ADAMTS7: variants seen among roughly 807,000 people sequenced by gnomAD.
ADAMTS7 encodes the protein ADAM metallopeptidase with thrombospondin type 1 motif 7, also known as A disintegrin and metalloproteinase with thrombospondin motifs 7.
In ADAMTS7, 89 loss-of-function variants were observed where a neutral mutation model predicts 172.6. The observed-to-expected ratio is 0.52, with a 90% CI of 0.43 to 0.61. The LOEUF (loss-of-function observed/expected upper bound fraction) is 0.61. Ranked by LOEUF, ADAMTS7 falls within the 20% of genes least tolerant of loss-of-function variation. The pLI, the probability that ADAMTS7 is intolerant of heterozygous loss-of-function variation, is 0.00. For synonymous variants in ADAMTS7, 885 were observed against 978.4 expected (o/e 0.90, Z 1.78); for missense variants, 1,973 against 2,355.6 (o/e 0.84, Z 3.36).
Position 78,766,123 on chromosome 15 carries a change from C to T in ADAMTS7, c.3788G>A (p.Gly1263Glu). The T allele has an allele frequency of 1.2e-6, 2 of 1,611,322 alleles. No homozygotes were observed. Among genetic ancestry groups the T allele is most frequent in the South Asian group, 1.1e-5 (1 of 90,984 alleles). Residue 1263 changes from glycine (G) to glutamate (E), a missense_variant, in exon 19 of 24, where the codon GGA (glycine) becomes GAA (glutamate). Transcript: ENST00000388820. ...AGCTGGCTCCCAGGCCACTGTGCCT[C>T]CTGTCCACAGCTCCGCCACGTCAGG... Reference protein sequence around the residue: ...PSPDVAELWTGGTVAWEPALE... With the variant: ...PSPDVAELWTEGTVAWEPALE...
chr15:78,797,378 G>A (rs2055659802), intron 3 of ADAMTS7, among the ~76,000 whole-genome samples: 1 of 152,242 alleles, frequency 6.6e-6, no homozygotes, highest in African/African-American at 2.4e-5. Context: ...CCAGAGCTGT[G>A]GGCAGCCTGA....
chr15:78,781,487 C>T (rs1440601787), intron 8 of ADAMTS7, among the ~76,000 whole-genome samples: 1 of 152,180 alleles, frequency 6.6e-6, no homozygotes, highest in Non-Finnish European at 1.5e-5. Context: ...CTGCTTCTGT[C>T]TGGTTCTCCC....
chr15:78,767,018 G>T lies in ADAMTS7; in HGVS notation c.2893C>A (p.Arg965=). 6.4e-7 allele frequency: 1 copy of T among 1,572,838 alleles called. No homozygotes were observed. The highest frequency in any genetic ancestry group is 8.6e-7 in the Non-Finnish European group (1 of 1,161,238). ...GTGTCATTGGTGCAGAGGACATTTC[G>T]GCGCTGAGTGCCCTCCCCACATGTC... is the stretch of plus-strand genomic sequence containing the variant. ...SVTCGEGTQR[R]NVLCTNDTGV... is the part of the protein sequence containing the mutation. The change falls in exon 19 of 24, where the codon CGA becomes AGA. Residue 965 remains arginine (R), a synonymous_variant. Transcript: ENST00000388820.
intron 1 of ADAMTS7, among the ~76,000 whole-genome samples, chr15:78,802,242 C>T (rs2055735194): frequency 6.6e-6 from 1 of 152,230 alleles, no homozygotes; most frequent in African/African-American, 2.4e-5. Context: ...AACCACAGCA[C>T]TTACAATCTC....
chr15:78,775,022 C>G (rs1181060653), intron 11 of ADAMTS7, among the ~76,000 whole-genome samples: 1 of 152,218 alleles, frequency 6.6e-6, no homozygotes, highest in Non-Finnish European at 1.5e-5. Flanking sequence ...AGCTCTGCCC[C>G]CAACCTACAG....
intron 1 of ADAMTS7, among the ~76,000 whole-genome samples, chr15:78,803,541 C>G (rs2055752507): frequency 6.6e-6 from 1 of 151,902 alleles, no homozygotes; most frequent in Admixed American, 6.6e-5. Flanking sequence ...CAACCTCTGC[C>G]TCCCAGGTTC....
chr15:78,786,008 C>A (rs1200718269), intron 8 of ADAMTS7, among the ~76,000 whole-genome samples: 1 of 150,250 alleles, frequency 6.7e-6, no homozygotes, highest in African/African-American at 2.4e-5. Flanking sequence ...TGGCTCACTG[C>A]AACCTCCGCC....
chr15:78,803,986 G>A (rs999485482), intron 1 of ADAMTS7, among the ~76,000 whole-genome samples: 4 of 152,078 alleles, frequency 2.6e-5, no homozygotes, highest in African/African-American at 9.7e-5. Context: ...CTCAGTTCAC[G>A]GTCCCTTAGG....
intron 8 of ADAMTS7, among the ~76,000 whole-genome samples, chr15:78,778,244 A>G (rs1416893329): frequency 2.6e-5 from 4 of 152,208 alleles, no homozygotes; most frequent in Non-Finnish European, 2.9e-5. Flanking sequence ...ATCTGTGTCC[A>G]CCACACACTC....
chr15:78,759,596 A>G lies in ADAMTS7; in HGVS notation c.4904-18T>C, dbSNP rs775734340. 3.8e-6 allele frequency: 6 copies of G among 1,565,668 alleles called. No individual in the cohort carries two copies. The highest frequency in any genetic ancestry group is 5.2e-6 in the Non-Finnish European group (6 of 1,161,234). ...CTCACAGCCTGGAGTGGGGGGGCAG[A>G]GAGGCATCAGAACCAGTAGCTTGGG... On this transcript the variant is annotated intron_variant, in intron 23 of 23. Coordinates refer to ENST00000388820, the MANE Select transcript of ADAMTS7 (RefSeq NM_014272.5).
At chr15:78,787,589 G>C (rs1470592729) in intron 8 of ADAMTS7, among the ~76,000 whole-genome samples, 1 of 152,108 alleles carries the variant, frequency 6.6e-6, no homozygotes, top group Non-Finnish European at 1.5e-5. Flanking sequence ...GCTTGAACCC[G>C]GGAGGCGGAG....
At chr15:78,791,336 A>G in intron 4 of ADAMTS7, 113 bp from the exon 5 acceptor site, 1 of 787,522 alleles carries the variant, frequency 1.3e-6, no homozygotes, top group Non-Finnish European at 2.0e-6. Flanking sequence ...GCTCACACAC[A>G]GGGACTCTCA....
In ADAMTS7 at chr15:78,774,412, G is replaced by A. The variant is rs2055304632; in HGVS notation, c.1877-112C>T. 1.3e-5 allele frequency: 19 copies of A among 1,415,256 alleles called. 1 individual carries two copies. In the South Asian group the frequency reaches 2.7e-4, roughly 20 times the overall value. The allele number at this position is 1,415,256 out of a possible 1,614,324, so 87.7% of individuals were successfully genotyped here. A position where few individuals can be genotyped will look rare whatever the true frequency, so the allele number is the denominator to read the frequency against. On this transcript the variant is annotated intron_variant, in intron 12 of 23. Coordinates refer to ENST00000388820, the MANE Select transcript of ADAMTS7 (RefSeq NM_014272.5). ...ATGGCAGGCTGGAGGCTCCCAAGCAGCACCAACATGCTGGAGGCTCCGGCT... is the reference window on the plus strand; with the variant it reads ...ATGGCAGGCTGGAGGCTCCCAAGCAACACCAACATGCTGGAGGCTCCGGCT...
In ADAMTS7 at chr15:78,811,343, C is replaced by G; in HGVS notation, c.-123G>C. On this transcript the variant is annotated 5_prime_UTR_variant, in exon 1 of 24. Transcript: ENST00000388820. ...GGCCGGCGTGCAGCTCCCGGCGACC[C>G]GGCCCCGACTCCGTTCGGCTGCGCT... The G allele has an allele frequency of 5.2e-6, 6 of 1,150,188 alleles. No homozygotes were observed. In the East Asian group the frequency reaches 1.7e-4, roughly 32 times the overall value. 71.2% of individuals were successfully genotyped at this position (1,150,188 alleles called of 1,614,324 possible). A position where few individuals can be genotyped will look rare whatever the true frequency, so the allele number is the denominator to read the frequency against.
chr15:78,811,286 G>T lies in ADAMTS7; in HGVS notation c.-66C>A. The T allele has an allele frequency of 8.2e-7, 1 of 1,219,008 alleles. No homozygotes were observed. The highest frequency in any genetic ancestry group is 1.0e-6 in the Non-Finnish European group (1 of 979,750). 75.5% of individuals were successfully genotyped at this position (1,219,008 alleles called of 1,614,324 possible). On this transcript the variant is annotated 5_prime_UTR_variant, in exon 1 of 24. Transcript: ENST00000388820. Reference sequence around the variant, plus strand: ...CTCTCGTCCGTCCCGTCCGGTCGCTGCCTGGTCCCAGGTCCGGCTCAGGAC... The same window carrying T: ...CTCTCGTCCGTCCCGTCCGGTCGCTTCCTGGTCCCAGGTCCGGCTCAGGAC...
At chr15:78,803,050 G>A (rs182878310) in intron 1 of ADAMTS7, among the ~76,000 whole-genome samples, 1 of 151,966 alleles carries the variant, frequency 6.6e-6, no homozygotes, top group Non-Finnish European at 1.5e-5. Flanking sequence ...AAATTGATTA[G>A]ATTGAAATAC....
At chr15:78,784,404 GAGGGGGGA>G (rs1567226686) in intron 8 of ADAMTS7, among the ~76,000 whole-genome samples, 4 of 101,082 alleles carry the variant, frequency 4.0e-5, no homozygotes, top group Admixed American at 1.9e-4. Context: ...GGGAGAGGAA[GAGGGGGGA>G]GGGAGGGAGG....
Position 78,806,123 on chromosome 15 carries a change from CACACAAAAAAAAAA to C in ADAMTS7, c.100+4984_100+4997del, listed in dbSNP as rs2055789958. 2.0e-4 allele frequency among the ~76,000 whole-genome samples: 4 copies of C among 20,120 alleles called. No homozygotes were observed. The Admixed American group carries it at 3.8e-3, about 19-fold the overall frequency. The allele number at this position is 20,120 out of a possible 152,430, so 13.2% of individuals were successfully genotyped here. A position where few individuals can be genotyped will look rare whatever the true frequency, so the allele number is the denominator to read the frequency against. On this transcript the variant is annotated intron_variant, in intron 1 of 23. Coordinates refer to ENST00000388820, the MANE Select transcript of ADAMTS7 (RefSeq NM_014272.5). ...ACACACACACACACACACACACACA[CACACAAAAAAAAAA>C]AAAAAAAAAAAAAAAAAACAGAAAA...
intron 6 of ADAMTS7, among the ~76,000 whole-genome samples, chr15:78,790,381 G>C (rs1020974695): frequency 6.6e-6 from 1 of 152,124 alleles, no homozygotes; most frequent in Non-Finnish European, 1.5e-5. Flanking sequence ...TTCCTGATTG[G>C]GATACTGTGC....
Sources: allele counts gnomAD v4.1 joint callset (sites outside exome capture counted in the v4.1 genomes callset), GRCh38; gene constraint gnomAD v4.1.1; transcripts MANE v1.5; gene names NCBI Gene and HGNC (gene_info 2026-07-23, HGNC 2026-07-21).